MYO18A: variants seen among roughly 807,000 people sequenced by gnomAD.
MYO18A encodes myosin XVIIIA.
Under a neutral mutation model 235.8 loss-of-function variants are expected in MYO18A, and 78 were observed. The observed-to-expected ratio is 0.33, with a 90% CI of 0.28 to 0.40. The LOEUF is 0.40. Among genes scored for constraint, MYO18A ranks in the 10% least tolerant of loss-of-function variants. The probability of loss-of-function intolerance (pLI) is 1.00; values close to 1 mark genes in which losing one functional copy is unlikely to be tolerated. For synonymous variants in MYO18A, 977 were observed against 1,077.8 expected, an observed-to-expected ratio of 0.91 and a Z score of 1.83; for missense variants, 2,215 against 2,699.3, an observed-to-expected ratio of 0.82 and a Z score of 3.98.
intron 2 of MYO18A, chr17:29,133,779 A>AT: frequency 7.8e-7 from 1 of 1,288,742 alleles, no homozygotes; most frequent in Non-Finnish European, 1.0e-6. Context: ...AAACATAAAG[A>AT]TTTTAAAATC....
At chr17:29,087,803 C>T (rs967845827) in intron 37 of MYO18A, among the ~76,000 whole-genome samples, 7 of 151,678 alleles carry the variant, frequency 4.6e-5, no homozygotes, top group African/African-American at 1.7e-4. Context: ...GTTTAACATC[C>T]TATGAGTCTA....
intron 1 of MYO18A, among the ~76,000 whole-genome samples, chr17:29,169,429 C>T (rs760919643): frequency 6.6e-6 from 1 of 152,154 alleles, no homozygotes; most frequent in Non-Finnish European, 1.5e-5. Flanking sequence ...AAAAGGCACA[C>T]AGCCAGGGGC....
rs1477730847 is a variant in MYO18A, at chr17:29,166,322, G to A, written c.619C>T (p.Leu207=). 1.2e-6 allele frequency: 2 copies of A among 1,612,480 alleles called. No individual in the cohort carries two copies. The highest frequency in any genetic ancestry group is 2.2e-5 in the South Asian group (2 of 91,082). ...VTKKFPVDLR[L]PPVVPLPPPT... ...GGGGGCAGGGGCACCACGGGGGGCA[G>A]GCGCAGGTCGACTGGGAACTTTTTA... The change falls in exon 2 of 42, where the codon CTG becomes TTG. Residue 207 remains leucine, a synonymous_variant. Coordinates refer to ENST00000527372, the MANE Select transcript of MYO18A (RefSeq NM_078471.4).
intron 2 of MYO18A, among the ~76,000 whole-genome samples, chr17:29,141,865 T>C (rs2067746401): frequency 6.6e-6 from 1 of 152,282 alleles, no homozygotes; most frequent in South Asian, 2.1e-4. Context: ...AAAAAAATAC[T>C]GATGCCTGGA....
Position 29,136,235 on chromosome 17 carries a change from G to GAAAAA in MYO18A, c.1000-13987_1000-13983dup, listed in dbSNP as rs1181249964. Among the ~76,000 whole-genome samples, 654 of 105,148 alleles carry GAAAAA rather than the reference G, an allele frequency of 6.2e-3. 7 individuals are homozygous for GAAAAA. The highest frequency in any genetic ancestry group is 0.026 in the African/African-American group (596 of 22,964). 69.0% of individuals were successfully genotyped at this position (105,148 alleles called of 152,430 possible). On this transcript the variant is annotated intron_variant, in intron 2 of 41. Transcript: ENST00000527372. ...GACCGAGTGAGACCCCATCTCAAAA[G>GAAAAA]AAAAAAAAAAAAAAAATATATATAT...
chr17:29,114,891 C>G lies in MYO18A; in HGVS notation c.2511+16G>C. ...CCAGAATCTGAGGCTAGATGAGGCC[C>G]AGGCCCCAGAGCTACCTCCTTGTAT... On this transcript the variant is annotated intron_variant, in intron 14 of 41. Coordinates refer to ENST00000527372, the MANE Select transcript of MYO18A (RefSeq NM_078471.4). The G allele has an allele frequency of 6.2e-7, 1 of 1,606,038 alleles. No individual in the cohort carries two copies. Among genetic ancestry groups the G allele is most frequent in the East Asian group, 2.2e-5 (1 of 44,794 alleles).
At chr17:29,151,718 G>T (rs1366225390) in intron 2 of MYO18A, among the ~76,000 whole-genome samples, 2 of 152,176 alleles carry the variant, frequency 1.3e-5, no homozygotes, top group Non-Finnish European at 2.9e-5. Context: ...AAGACATCTG[G>T]AATGCAGTGG....
intron 2 of MYO18A, among the ~76,000 whole-genome samples, chr17:29,132,114 G>A (rs746580632): frequency 2.0e-5 from 3 of 152,200 alleles, no homozygotes; most frequent in Non-Finnish European, 4.4e-5. Context: ...GTTAGGGGCG[G>A]GGTATGGAGG....
chr17:29,085,265 G>T (rs1271339669), intron 40 of MYO18A, among the ~76,000 whole-genome samples: 1 of 152,250 alleles, frequency 6.6e-6, no homozygotes. Context: ...AATAGGCCAG[G>T]GAGGTGGCCA....
chr17:29,161,464 C>T (rs1233293576), intron 2 of MYO18A, among the ~76,000 whole-genome samples: 1 of 150,448 alleles, frequency 6.6e-6, no homozygotes, highest in Non-Finnish European at 1.5e-5. Flanking sequence ...AAGCCAAGAT[C>T]GCCCCACTGC....
chr17:29,081,646 G>A (rs1350457497), intron 41 of MYO18A, among the ~76,000 whole-genome samples: 3 of 152,042 alleles, frequency 2.0e-5, no homozygotes, highest in East Asian at 3.9e-4. Flanking sequence ...GGGGGGTGAG[G>A]GGGGAGCGAG....
rs1217536784 is a variant in MYO18A at position 29,126,468 on chromosome 17, G to A, written c.1000-4215C>T. 6.6e-6 allele frequency among the ~76,000 whole-genome samples: 1 copy of A among 152,164 alleles called. No individual in the cohort carries two copies. Among genetic ancestry groups the A allele is most frequent in the Admixed American group, 6.5e-5 (1 of 15,282 alleles). On this transcript the variant is annotated intron_variant, in intron 2 of 41. Transcript: ENST00000527372. The surrounding 1 kb of genome is among the most constrained non-coding windows in gnomAD (Gnocchi z 4.1). Reference sequence around the variant, plus strand: ...AGCTCCTCCCTGTGAGCAGGAACAGGCACTTCCCTGATTCACAGAGTGGGC... The same window carrying A: ...AGCTCCTCCCTGTGAGCAGGAACAGACACTTCCCTGATTCACAGAGTGGGC...
intron 2 of MYO18A, chr17:29,129,134 A>G: frequency 7.8e-7 from 1 of 1,288,930 alleles, no homozygotes; most frequent in Non-Finnish European, 1.0e-6. Context: ...GGAAAAAATG[A>G]TCAGGGAGCT....
At chr17:29,124,204 A>G (rs959239978) in intron 2 of MYO18A, among the ~76,000 whole-genome samples, 7 of 152,168 alleles carry the variant, frequency 4.6e-5, no homozygotes, top group African/African-American at 1.7e-4. Context: ...TAACTCCCTT[A>G]AAGCTCATCT....
chr17:29,105,340 G>A (rs2066757673), intron 20 of MYO18A, among the ~76,000 whole-genome samples: 2 of 152,124 alleles, frequency 1.3e-5, no homozygotes, highest in Non-Finnish European at 2.9e-5. Flanking sequence ...GCAGAGCACA[G>A]TCCAGGGAGA....
Position 29,140,313 on chromosome 17 carries a change from G to A in MYO18A, c.1000-18060C>T, listed in dbSNP as rs2067705710. ...AGCATGAGGAGCCTGGGACATTTCC[G>A]GGGTGGGGGGTCAGAGGGACACTCA... On this transcript the variant is annotated intron_variant, in intron 2 of 41. Coordinates refer to ENST00000527372, the MANE Select transcript of MYO18A (RefSeq NM_078471.4). This position sits in a 1 kb window ranked among gnomAD's most constrained non-coding sequence, Gnocchi z 4.2. 2 of 1,225,520 alleles carry A rather than the reference G, an allele frequency of 1.6e-6. No homozygotes were observed. Among genetic ancestry groups the A allele is most frequent in the South Asian group, 1.4e-5 (1 of 73,748 alleles). 75.9% of individuals were successfully genotyped at this position (1,225,520 alleles called of 1,614,324 possible).
Position 29,121,502 on chromosome 17 carries a change from G to C in MYO18A, c.1371+45C>G, listed in dbSNP as rs181762418. On this transcript the variant is annotated intron_variant, in intron 5 of 41. Transcript: ENST00000527372. The surrounding 1 kb of genome is among the most constrained non-coding windows in gnomAD (Gnocchi z 4.2). ...GGGGAAGGGCAGAGAGCCAGGGCAG[G>C]GGGTGGGACCAGGAGTCTGCAGGGT... The C allele has an allele frequency of 2.6e-6, 4 of 1,537,840 alleles. No individual in the cohort carries two copies. The highest frequency in any genetic ancestry group is 3.5e-6 in the Non-Finnish European group (4 of 1,140,124).
chr17:29,086,119 C>A (rs1197272219), intron 39 of MYO18A, among the ~76,000 whole-genome samples: 3 of 152,274 alleles, frequency 2.0e-5, no homozygotes, highest in East Asian at 1.9e-4. Flanking sequence ...GCCTTTAAAT[C>A]TCTGCTCTCC....
intron 2 of MYO18A, among the ~76,000 whole-genome samples, chr17:29,137,917 C>T (rs2067642669): frequency 6.6e-6 from 1 of 151,656 alleles, no homozygotes; most frequent in Non-Finnish European, 1.5e-5. Context: ...GTGAAGATGG[C>T]TAAATAGTCA....
Sources: allele counts gnomAD v4.1 joint callset (sites outside exome capture counted in the v4.1 genomes callset), GRCh38; gene constraint gnomAD v4.1.1; non-coding constraint Gnocchi (gnomAD v3.1); transcripts MANE v1.5; gene names NCBI Gene and HGNC (gene_info 2026-07-23, HGNC 2026-07-21).